ESRRG: variants seen among roughly 807,000 people sequenced by gnomAD.
ESRRG encodes estrogen related receptor gamma, also known as estrogen-related receptor gamma.
ESRRG carries 13 observed loss-of-function variants against 44.0 expected under a neutral mutation model. That is an observed-to-expected ratio of 0.30 (90% CI 0.19 to 0.47). The LOEUF is 0.47. Among genes scored for constraint, ESRRG ranks in the 20% least tolerant of loss-of-function variants. The pLI, the probability that ESRRG is intolerant of heterozygous loss-of-function variation, is 1.00. For synonymous variants in ESRRG, 215 were observed against 214.6 expected (o/e 1.00, Z -0.02); for missense variants, 395 against 580.6 (o/e 0.68, Z 3.29).
intron 2 of ESRRG, among the ~76,000 whole-genome samples, chr1:216,843,622 ATACT>A (rs1472775820): frequency 6.6e-6 from 1 of 152,116 alleles, no homozygotes; most frequent in Non-Finnish European, 1.5e-5. Flanking sequence ...TAATGGTGGG[ATACT>A]TTGCAATCAT....
chr1:216,994,069 C>A (rs2150553630), intron 1 of ESRRG, among the ~76,000 whole-genome samples: 1 of 152,208 alleles, frequency 6.6e-6, no homozygotes, highest in South Asian at 2.1e-4. Flanking sequence ...AAGTGCATTT[C>A]TGAGAGTTCT....
intron 1 of ESRRG, among the ~76,000 whole-genome samples, chr1:217,014,450 G>A (rs1423860124): frequency 6.6e-6 from 1 of 152,072 alleles, no homozygotes; most frequent in East Asian, 1.9e-4. Flanking sequence ...GCTCTGTTCT[G>A]CATATGGATT....
At chr1:216,945,413 T>C (rs1236479294) in intron 1 of ESRRG, among the ~76,000 whole-genome samples, 3 of 152,100 alleles carry the variant, frequency 2.0e-5, no homozygotes, top group Admixed American at 6.6e-5. Flanking sequence ...AAATAAAAAA[T>C]GAATTAGGCA....
chr1:216,753,367 A>G (rs560810956), intron 2 of ESRRG, among the ~76,000 whole-genome samples: 2 of 152,098 alleles, frequency 1.3e-5, no homozygotes, highest in Admixed American at 6.6e-5. Flanking sequence ...CTGGTCTGTA[A>G]TGTCAGACAC....
chr1:216,624,134 C>T (rs1310370304), intron 3 of ESRRG, among the ~76,000 whole-genome samples: 4 of 152,150 alleles, frequency 2.6e-5, no homozygotes, highest in African/African-American at 9.7e-5. Context: ...AAAGGCCGGC[C>T]TTGGTCTCTT....
intron 1 of ESRRG, among the ~76,000 whole-genome samples, chr1:217,101,543 A>G (rs748513238): frequency 3.3e-5 from 5 of 152,162 alleles, no homozygotes; most frequent in African/African-American, 4.8e-5. Context: ...TATTGGCCCA[A>G]CTTCCTAAAT....
chr1:217,035,307 G>T (rs1008436796), intron 1 of ESRRG, among the ~76,000 whole-genome samples: 1 of 122,900 alleles, frequency 8.1e-6, no homozygotes. Flanking sequence ...GCAGCCTAGC[G>T]AGACTCTGTC....
intron 2 of ESRRG, among the ~76,000 whole-genome samples, chr1:216,746,108 C>T (rs1412593587): frequency 6.6e-6 from 1 of 152,132 alleles, no homozygotes; most frequent in East Asian, 1.9e-4. Flanking sequence ...AATTATCTAA[C>T]AATCTTAATA....
chr1:216,521,698 G>A (rs2046125261), intron 5 of ESRRG, among the ~76,000 whole-genome samples: 1 of 152,118 alleles, frequency 6.6e-6, no homozygotes, highest in African/African-American at 2.4e-5. Context: ...ATTAAAAGCA[G>A]GATGATTAGT....
chr1:216,766,832 T>A (rs915342783), intron 2 of ESRRG, among the ~76,000 whole-genome samples: 2 of 152,186 alleles, frequency 1.3e-5, no homozygotes, highest in South Asian at 2.1e-4. Flanking sequence ...GGGTCAGACA[T>A]GACTCAGACC....
At chr1:217,040,417 CT>C (rs35377338) in intron 1 of ESRRG, among the ~76,000 whole-genome samples, 1 of 152,060 alleles carries the variant, frequency 6.6e-6, no homozygotes, top group Admixed American at 6.5e-5. Context: ...AAATATCCCC[CT>C]TTTTTTCTAC....
At chr1:216,818,665 T>C (rs574900597) in intron 2 of ESRRG, among the ~76,000 whole-genome samples, 2 of 152,220 alleles carry the variant, frequency 1.3e-5, no homozygotes, top group African/African-American at 2.4e-5. Context: ...GTTTGTTATA[T>C]AGACAAATGT....
intron 1 of ESRRG, among the ~76,000 whole-genome samples, chr1:217,117,658 A>G (rs1196116449): frequency 6.6e-6 from 1 of 152,178 alleles, no homozygotes; most frequent in Non-Finnish European, 1.5e-5. Flanking sequence ...TTATTATGGA[A>G]TAATAAGCAC....
intron 1 of ESRRG, among the ~76,000 whole-genome samples, chr1:216,687,542 T>C (rs1348914123): frequency 6.6e-6 from 1 of 152,154 alleles, no homozygotes; most frequent in Admixed American, 6.5e-5. Context: ...CGTGGATTTG[T>C]AAGAGGAAAC....
chr1:216,569,252 G>GA (rs2060338264), intron 3 of ESRRG, among the ~76,000 whole-genome samples: 1 of 147,172 alleles, frequency 6.8e-6, no homozygotes, highest in African/African-American at 2.5e-5. Flanking sequence ...GAAAGGAAAG[G>GA]AAAGGAGGGA....
chr1:216,576,557 G>T (rs2061717018), intron 3 of ESRRG, among the ~76,000 whole-genome samples: 1 of 152,012 alleles, frequency 6.6e-6, no homozygotes, highest in Non-Finnish European at 1.5e-5. Flanking sequence ...CCAAAATACA[G>T]TTGTGGATTT....
intron 1 of ESRRG, among the ~76,000 whole-genome samples, chr1:217,052,897 C>T (rs1420992290): frequency 6.6e-6 from 1 of 152,150 alleles, no homozygotes; most frequent in Non-Finnish European, 1.5e-5. Flanking sequence ...AAGGGCTTTA[C>T]ATATCATGGG....
chr1:216,745,025 T>C (rs1341695977), intron 2 of ESRRG, among the ~76,000 whole-genome samples: 2 of 152,228 alleles, frequency 1.3e-5, no homozygotes, highest in Non-Finnish European at 2.9e-5. Flanking sequence ...ATGAGAGAAC[T>C]CAGCCCAGGG....
chr1:217,077,650 T>G (rs1216476304), intron 1 of ESRRG, among the ~76,000 whole-genome samples: 2 of 152,174 alleles, frequency 1.3e-5, no homozygotes, highest in Non-Finnish European at 2.9e-5. Flanking sequence ...CAGACAGCAC[T>G]GGGTAGGATT....
Sources: gnomAD v4.1 joint callset for allele counts (sites outside exome capture counted in the v4.1 genomes callset) on GRCh38, gnomAD v4.1.1 for gene constraint, MANE v1.5 for transcripts, NCBI Gene and HGNC (gene_info 2026-07-23, HGNC 2026-07-21) for gene names.